Variants in ABCB10 observed in about 807,000 individuals in gnomAD.
ABCB10 encodes ATP-binding cassette sub-family B member 10, mitochondrial.
Under a neutral mutation model 65.4 loss-of-function variants are expected in ABCB10, and 54 were observed. The ratio of observed to expected loss-of-function variants is 0.83; its 90% CI spans 0.66 to 1.04. The LOEUF (loss-of-function observed/expected upper bound fraction) is 1.04. ABCB10 is among the 50% of genes least tolerant of loss of function. The pLI, the probability that ABCB10 is intolerant of heterozygous loss-of-function variation, is 0.00. For synonymous variants in ABCB10, 418 were observed against 406.5 expected, an observed-to-expected ratio of 1.03 and a Z score of -0.34; for missense variants, 846 against 976.6, an observed-to-expected ratio of 0.87 and a Z score of 1.78.
At chr1:229,556,127 C>T (rs1465396359) in intron 1 of ABCB10, among the ~76,000 whole-genome samples, 2 of 152,132 alleles carry the variant, frequency 1.3e-5, no homozygotes, top group Admixed American at 6.5e-5. Flanking sequence ...GTAATCCCAG[C>T]ACCTTTGGAA....
Position 229,558,217 on chromosome 1 carries a change from G to T in ABCB10, c.436C>A (p.Arg146=). The T allele has an allele frequency of 1.4e-6, 2 of 1,395,544 alleles. No homozygotes were observed. Among genetic ancestry groups the T allele is most frequent in the South Asian group, 1.5e-5 (1 of 66,798 alleles). The allele number at this position is 1,395,544 out of a possible 1,614,324, so 86.4% of individuals were successfully genotyped here. ...AGTCCGGCCGCTGCGGGGCGCAGCC[G>T]CCCCTTGTCCCCGGGAGGCGCCGCC... ...GPAAPPGDKG[R]LRPAAAGLPE... is the part of the protein sequence containing the mutation. The change falls in exon 1 of 13, where the codon CGG becomes AGG. Residue 146 remains arginine (R), a synonymous_variant. Coordinates refer to ENST00000344517, the MANE Select transcript of ABCB10 (RefSeq NM_012089.3).
intron 1 of ABCB10, among the ~76,000 whole-genome samples, chr1:229,552,988 G>A (rs1663155538): frequency 6.6e-6 from 1 of 152,164 alleles, no homozygotes; most frequent in Non-Finnish European, 1.5e-5. Context: ...GATGGAGCAG[G>A]GGCAGAGACC....
chr1:229,520,150 T>A (rs531328473), intron 11 of ABCB10, among the ~76,000 whole-genome samples: 4 of 149,094 alleles, frequency 2.7e-5, no homozygotes, highest in South Asian at 2.1e-4. Context: ...AAAATAAAAT[T>A]AAATTAAAAT....
At chr1:229,521,483 A>AAC in intron 11 of ABCB10, 109 bp downstream of exon 11, 6 of 1,370,530 alleles carry the variant, frequency 4.4e-6, no homozygotes, top group Non-Finnish European at 5.0e-6. Flanking sequence ...GAAAAAAAAA[A>AAC]AAACAAAAAA....
intron 8 of ABCB10, among the ~76,000 whole-genome samples, chr1:229,528,173 T>C (rs1461150441): frequency 6.6e-6 from 1 of 152,198 alleles, no homozygotes; most frequent in African/African-American, 2.4e-5. Flanking sequence ...CTTGAGGTCT[T>C]TGACGAAAAA....
chr1:229,555,219 C>T (rs1663217687), intron 1 of ABCB10, among the ~76,000 whole-genome samples: 1 of 152,212 alleles, frequency 6.6e-6, no homozygotes, highest in Non-Finnish European at 1.5e-5. Context: ...AAAACCCTGC[C>T]CCTAACTCAC....
At chr1:229,530,158 CG>C in intron 8 of ABCB10, 40 bp downstream of exon 8, 1 of 1,603,096 alleles carries the variant, frequency 6.2e-7, no homozygotes, top group Non-Finnish European at 8.5e-7. Flanking sequence ...GAGCAGAGCT[CG>C]GGAGAGTCCC....
intron 12 of ABCB10, 75 bp downstream of exon 12, chr1:229,518,766 G>A: frequency 8.1e-7 from 1 of 1,240,616 alleles, no homozygotes; most frequent in Non-Finnish European, 1.1e-6. Flanking sequence ...TTGAGGTACA[G>A]AATTAAAAGT....
chr1:229,539,715 T>G, intron 5 of ABCB10, 124 bp from the exon 6 acceptor site: 1 of 1,098,264 alleles, frequency 9.1e-7, no homozygotes, highest in East Asian at 2.7e-5. Flanking sequence ...TCCAAAATAT[T>G]AATTTCACCT....
chr1:229,542,320 C>A lies in ABCB10; in HGVS notation c.973G>T (p.Val325Leu), dbSNP rs1321660648. Residue 325 changes from valine to leucine, a missense_variant, in exon 4 of 13, where the codon GTG becomes TTG. By Grantham distance (32) the Val-to-Leu change is conservative (BLOSUM62 1). Transcript: ENST00000344517. ...ATFVLSVVPP[V>L]SIIAVIYGRY... ...CCATAAATTACAGCAATGATTGACA[C>A]TGGAGGCACCACGCTCAAAACAAAG... 4 of 1,614,028 alleles carry A rather than the reference C, an allele frequency of 2.5e-6. No individual in the cohort carries two copies. The highest frequency in any genetic ancestry group is 1.3e-5 in the African/African-American group (1 of 74,984).
chr1:229,541,384 G>A (rs1209386858), intron 4 of ABCB10, among the ~76,000 whole-genome samples: 3 of 151,978 alleles, frequency 2.0e-5, no homozygotes, highest in Non-Finnish European at 2.9e-5. Flanking sequence ...AAACCAGCAC[G>A]CCCAGCTAAT....
chr1:229,527,167 A>G, intron 9 of ABCB10, 62 bp downstream of exon 9: 1 of 1,489,516 alleles, frequency 6.7e-7, no homozygotes, highest in South Asian at 1.2e-5. Flanking sequence ...AAAAAAAAAA[A>G]AGCAAAAGAC....
chr1:229,526,970 A>C (rs1662459840), intron 9 of ABCB10, among the ~76,000 whole-genome samples: 1 of 152,044 alleles, frequency 6.6e-6, no homozygotes, highest in Non-Finnish European at 1.5e-5. Context: ...TTTCCTCCCC[A>C]TCCTCTAGAC....
rs74456360 is a variant in ABCB10 at position 229,538,366 on chromosome 1, C to T, written c.1339+1090G>A. Among the ~76,000 whole-genome samples, 1,473 of 152,116 alleles carry T rather than the reference C, an allele frequency of 9.7e-3. 23 individuals carry two copies. The highest frequency in any genetic ancestry group is 0.033 in the African/African-American group (1,375 of 41,480). Reference sequence around the variant, plus strand: ...GGGAGGCCAGGGAGGAAACCTGGAACGTGAACAGAAAGGCCAGGGAGAGGG... The same window carrying T: ...GGGAGGCCAGGGAGGAAACCTGGAATGTGAACAGAAAGGCCAGGGAGAGGG... On this transcript the variant is annotated intron_variant, in intron 6 of 12. Coordinates refer to ENST00000344517, the MANE Select transcript of ABCB10 (RefSeq NM_012089.3).
rs973532957 is a variant in ABCB10, at chr1:229,544,660, G to A, written c.922-2289C>T. On this transcript the variant is annotated intron_variant, in intron 3 of 12. Coordinates refer to ENST00000344517, the MANE Select transcript of ABCB10 (RefSeq NM_012089.3). Reference sequence around the variant, plus strand: ...CCTGAGGCCCTTTTACAGACTGAATGGAAATTCCCCCTGAAATTCACATGT... The same window carrying A: ...CCTGAGGCCCTTTTACAGACTGAATAGAAATTCCCCCTGAAATTCACATGT... Among the ~76,000 whole-genome samples, 11 of 152,104 alleles carry A rather than the reference G, an allele frequency of 7.2e-5. No individual in the cohort carries two copies. The South Asian group carries it at 2.3e-3, about 32-fold the overall frequency.
intron 1 of ABCB10, among the ~76,000 whole-genome samples, chr1:229,551,781 G>A (rs998199635): frequency 2.6e-5 from 4 of 152,196 alleles, no homozygotes; most frequent in Admixed American, 6.5e-5. Flanking sequence ...CCTCAGCCTC[G>A]ATGAACTGGC....
At chr1:229,541,981 A>G (rs984569287) in intron 4 of ABCB10, among the ~76,000 whole-genome samples, 2 of 151,962 alleles carry the variant, frequency 1.3e-5, no homozygotes, top group Non-Finnish European at 2.9e-5. Flanking sequence ...AAAAAGAAAG[A>G]AAAGAAATAG....
At chr1:229,553,022 C>T (rs1299092378) in intron 1 of ABCB10, among the ~76,000 whole-genome samples, 7 of 152,046 alleles carry the variant, frequency 4.6e-5, no homozygotes. Context: ...GGAAGGAGAA[C>T]TGAGAAATGA....
chr1:229,520,961 A>G (rs1486734486), intron 11 of ABCB10, among the ~76,000 whole-genome samples: 1 of 152,202 alleles, frequency 6.6e-6, no homozygotes, highest in Non-Finnish European at 1.5e-5. Flanking sequence ...AATGTTCTGA[A>G]ACTGGACTTT....
Sources: gnomAD v4.1 joint callset for allele counts (sites outside exome capture counted in the v4.1 genomes callset) on GRCh38, gnomAD v4.1.1 for gene constraint, MANE v1.5 for transcripts, NCBI Gene and HGNC (gene_info 2026-07-23, HGNC 2026-07-21) for gene names.